The following CSMD3 variants were observed in gnomAD, a reference collection of about 807,000 sequenced individuals.
The protein encoded by CSMD3 is CUB and Sushi multiple domains 3.
CSMD3 carries 177 observed loss-of-function variants against 435.2 expected under a neutral mutation model. That is an observed-to-expected ratio of 0.41 (90% CI 0.36 to 0.46). CSMD3 has a LOEUF of 0.46. Among genes scored for constraint, CSMD3 ranks in the 20% least tolerant of loss-of-function variants. The pLI is 0.34. For missense variants in CSMD3, 4,265 were observed against 4,504.6 expected (o/e 0.95, Z 1.52); for synonymous variants, 1,656 against 1,520.5 (o/e 1.09, Z -2.07).
chr8:113,223,752 A>ATGTGTGTGTG (rs746390167), intron 3 of CSMD3, among the ~76,000 whole-genome samples: 2 of 120,930 alleles, frequency 1.7e-5, no homozygotes, highest in African/African-American at 7.2e-5. Flanking sequence ...GTGTGTGTTT[A>ATGTGTGTGTG]TGTGTGTGTA....
chr8:112,879,055 TTCA>T (rs2130171709), intron 10 of CSMD3, among the ~76,000 whole-genome samples: 1 of 152,212 alleles, frequency 6.6e-6, no homozygotes, highest in East Asian at 1.9e-4. Context: ...AACAGTGATG[TTCA>T]GGGAACAGGG....
intron 35 of CSMD3, among the ~76,000 whole-genome samples, chr8:112,393,690 A>T (rs1031957570): frequency 1.3e-5 from 2 of 151,934 alleles, no homozygotes; most frequent in Non-Finnish European, 2.9e-5. Context: ...TGTCCTCACT[A>T]CTCTGGTGAA....
At chr8:112,804,831 A>C (rs547533494) in intron 12 of CSMD3, among the ~76,000 whole-genome samples, 1 of 151,756 alleles carries the variant, frequency 6.6e-6, no homozygotes, top group African/African-American at 2.4e-5. Context: ...CACCCAGCTA[A>C]TTTTTGTATT....
intron 27 of CSMD3, among the ~76,000 whole-genome samples, chr8:112,549,683 T>A (rs1016818140): frequency 2.6e-5 from 4 of 152,072 alleles, no homozygotes; most frequent in Non-Finnish European, 5.9e-5. Flanking sequence ...GTTCATTAGG[T>A]ACCAGTTATC....
intron 47 of CSMD3, among the ~76,000 whole-genome samples, chr8:112,314,871 A>G (rs1822318939): frequency 6.6e-6 from 1 of 151,974 alleles, no homozygotes; most frequent in Non-Finnish European, 1.5e-5. Flanking sequence ...AAATACATAA[A>G]TAAAATATAA....
At chr8:113,425,460 A>G (rs1210755665) in intron 1 of CSMD3, among the ~76,000 whole-genome samples, 2 of 151,312 alleles carry the variant, frequency 1.3e-5, no homozygotes, top group Non-Finnish European at 3.0e-5. Context: ...TTTTGTGAAG[A>G]TGGGGAAAAT....
At chr8:112,706,932 G>T (rs927134071) in intron 13 of CSMD3, among the ~76,000 whole-genome samples, 1 of 152,034 alleles carries the variant, frequency 6.6e-6, no homozygotes, top group Non-Finnish European at 1.5e-5. Context: ...TTGTTCACTT[G>T]CAACCTTACT....
At chr8:113,184,303 T>C (rs574663111) in intron 3 of CSMD3, among the ~76,000 whole-genome samples, 3 of 152,056 alleles carry the variant, frequency 2.0e-5, no homozygotes, top group African/African-American at 7.2e-5. Context: ...ATGGAGGCTT[T>C]ATTAAAGAGG....
At chr8:113,287,077 A>T (rs1253140646) in intron 2 of CSMD3, among the ~76,000 whole-genome samples, 1 of 152,012 alleles carries the variant, frequency 6.6e-6, no homozygotes, top group Non-Finnish European at 1.5e-5. Flanking sequence ...TACTTTTTGG[A>T]TAACAAATTG....
intron 10 of CSMD3, among the ~76,000 whole-genome samples, chr8:112,893,103 A>T (rs949136462): frequency 6.6e-6 from 1 of 151,028 alleles, no homozygotes; most frequent in African/African-American, 2.4e-5. Context: ...CTACAAAACT[A>T]CTACTACTAC....
chr8:113,150,324 G>C (rs562169472), intron 4 of CSMD3, among the ~76,000 whole-genome samples: 2 of 152,050 alleles, frequency 1.3e-5, no homozygotes, highest in East Asian at 3.9e-4. Flanking sequence ...ATCTAATCAG[G>C]TGAGGTCTTA....
chr8:112,999,534 G>T (rs2085783756), intron 6 of CSMD3, among the ~76,000 whole-genome samples: 1 of 151,712 alleles, frequency 6.6e-6, no homozygotes, highest in Non-Finnish European at 1.5e-5. Flanking sequence ...CCACTGAAGG[G>T]TTCTGAACTG....
intron 1 of CSMD3, among the ~76,000 whole-genome samples, chr8:113,361,581 CAG>C (rs2094276912): frequency 1.3e-5 from 2 of 151,966 alleles, no homozygotes; most frequent in Admixed American, 6.6e-5. Context: ...TTAGACAAGA[CAG>C]TGTATCATTA....
At chr8:112,367,198 T>G (rs1053367842) in intron 38 of CSMD3, among the ~76,000 whole-genome samples, 2 of 152,106 alleles carry the variant, frequency 1.3e-5, no homozygotes, top group African/African-American at 4.8e-5. Context: ...TTTTTCTTAC[T>G]TTACAAGTAG....
intron 5 of CSMD3, among the ~76,000 whole-genome samples, chr8:113,087,925 C>A (rs560394397): frequency 0.031 from 4,748 of 151,768 alleles, 89 homozygotes; most frequent in Non-Finnish European, 0.052. Flanking sequence ...AACAGGCAAC[C>A]TACAAAATGG....
At chr8:112,815,114 C>A (rs973529678) in intron 12 of CSMD3, among the ~76,000 whole-genome samples, 3 of 151,136 alleles carry the variant, frequency 2.0e-5, no homozygotes, top group Non-Finnish European at 4.4e-5. Context: ...AAGAAAAAAC[C>A]CTAACACATC....
intron 28 of CSMD3, among the ~76,000 whole-genome samples, chr8:112,516,799 A>C (rs929056545): frequency 6.6e-6 from 1 of 152,182 alleles, no homozygotes; most frequent in South Asian, 2.1e-4. Context: ...GCTTTGATTC[A>C]TAACTGTTTT....
intron 5 of CSMD3, among the ~76,000 whole-genome samples, chr8:113,059,282 T>C (rs1218005457): frequency 1.3e-5 from 2 of 152,136 alleles, no homozygotes. Context: ...TACTGGTGCT[T>C]TGAGACACTA....
chr8:113,229,289 G>T (rs1480044196), intron 3 of CSMD3, among the ~76,000 whole-genome samples: 1 of 151,508 alleles, frequency 6.6e-6, no homozygotes, highest in African/African-American at 2.4e-5. Flanking sequence ...CGAACATTTT[G>T]TTCAAAGATA....
Sources: gnomAD v4.1 joint callset for allele counts (sites outside exome capture counted in the v4.1 genomes callset) on GRCh38, gnomAD v4.1.1 for gene constraint, MANE v1.5 for transcripts, NCBI Gene and HGNC (gene_info 2026-07-23, HGNC 2026-07-21) for gene names.